Variants in GRAP2 observed in about 807,000 individuals in gnomAD.
GRAP2 encodes GRB2 related adaptor protein 2.
In GRAP2, 31 loss-of-function variants were observed where a neutral mutation model predicts 43.5. The observed-to-expected ratio is 0.71, with a 90% CI of 0.54 to 0.96. The LOEUF (loss-of-function observed/expected upper bound fraction) is 0.96, where lower values mean the gene tolerates loss of function less well. GRAP2 is among the 40% of genes least tolerant of loss of function. The pLI is 0.00. For missense variants in GRAP2, 371 were observed against 424.4 expected (o/e 0.87, Z 1.11); for synonymous variants, 156 against 164.8 (o/e 0.95, Z 0.41).
At chr22:39,962,753 G>C (rs955377026) in intron 4 of GRAP2, among the ~76,000 whole-genome samples, 1 of 152,050 alleles carries the variant, frequency 6.6e-6, no homozygotes, top group Non-Finnish European at 1.5e-5. Flanking sequence ...CGCCTCCCAG[G>C]TTCAAAGCAA....
chr22:39,952,562 C>T (rs560718224), intron 2 of GRAP2, among the ~76,000 whole-genome samples: 4 of 152,228 alleles, frequency 2.6e-5, no homozygotes, highest in Non-Finnish European at 5.9e-5. Context: ...TTTCTGCTTC[C>T]TCCCTTGCCC....
chr22:39,901,493 A>T (rs1264536322), intron 1 of GRAP2, among the ~76,000 whole-genome samples, 163 bp downstream of exon 1: 2 of 152,206 alleles, frequency 1.3e-5, no homozygotes, highest in African/African-American at 4.8e-5. Flanking sequence ...TGCTGTGACA[A>T]TGTTTGTGGT....
At chr22:39,933,716 C>T (rs939344758) in intron 1 of GRAP2, among the ~76,000 whole-genome samples, 4 of 151,970 alleles carry the variant, frequency 2.6e-5, no homozygotes, top group African/African-American at 4.8e-5. Flanking sequence ...TGGCGGGCAC[C>T]TGTAATCCCA....
chr22:39,968,224 G>C lies in GRAP2; in HGVS notation c.642G>C (p.Leu214=). Residue 214 remains leucine, a synonymous_variant, in exon 6 of 8, where the codon CTG becomes CTC. Transcript: ENST00000344138. Reference sequence around the variant, plus strand: ...AATATGCCCCAGCGCCCCAGCAGCTGCAGCAGCCCCCACAGCAGCGATATC... The same window carrying C: ...AATATGCCCCAGCGCCCCAGCAGCTCCAGCAGCCCCCACAGCAGCGATATC... ...PPQYAPAPQQ[L]QQPPQQRYLQ... The C allele has an allele frequency of 6.2e-7, 1 of 1,608,430 alleles. No individual in the cohort carries two copies. Among genetic ancestry groups the C allele is most frequent in the South Asian group, 1.1e-5 (1 of 90,934 alleles).
chr22:39,909,222 C>T (rs1195310036), intron 1 of GRAP2, among the ~76,000 whole-genome samples: 1 of 152,144 alleles, frequency 6.6e-6, no homozygotes, highest in Admixed American at 6.5e-5. Context: ...TATGAGTTGA[C>T]ACTTGGTACC....
At chr22:39,914,915 A>G (rs1214450039) in intron 1 of GRAP2, among the ~76,000 whole-genome samples, 2 of 152,098 alleles carry the variant, frequency 1.3e-5, no homozygotes, top group Non-Finnish European at 2.9e-5. Flanking sequence ...TAGGCCAGGC[A>G]CGGTGGCTCA....
At chr22:39,939,561 CAAAAAAAAAAAA>C (rs386395434) in intron 1 of GRAP2, among the ~76,000 whole-genome samples, 2 of 64,168 alleles carry the variant, frequency 3.1e-5, no homozygotes, top group African/African-American at 6.6e-5. Flanking sequence ...GACTCCGTCT[CAAAAAAAAAAAA>C]AAAAAAAAAG....
At chr22:39,960,281 T>C in intron 4 of GRAP2, 107 bp downstream of exon 4, 1 of 1,131,928 alleles carries the variant, frequency 8.8e-7, no homozygotes, top group Non-Finnish European at 1.3e-6. Context: ...GTCAGAAGCA[T>C]GGTGGCCTAG....
At chr22:39,897,486 A>G (rs1401045747), upstream of GRAP2, among the ~76,000 whole-genome samples, 2 of 147,654 alleles carry the variant, frequency 1.4e-5, no homozygotes, top group Admixed American at 6.7e-5. Flanking sequence ...AGCCACAACC[A>G]TCTCTGGTCT....
intron 1 of GRAP2, among the ~76,000 whole-genome samples, chr22:39,917,041 T>C (rs1267111736): frequency 6.6e-6 from 1 of 152,230 alleles, no homozygotes; most frequent in East Asian, 1.9e-4. Flanking sequence ...TTCCAATTGC[T>C]TCTCTTTGGT....
At chr22:39,897,284 C>CTATA (rs1229791122), upstream of GRAP2, among the ~76,000 whole-genome samples, 9 of 152,226 alleles carry the variant, frequency 5.9e-5, no homozygotes, top group East Asian at 1.7e-3. Context: ...GTGTTTGTCT[C>CTATA]TTATAGCTCT....
At chr22:39,899,474 A>G (rs1169916833), upstream of GRAP2, among the ~76,000 whole-genome samples, 1 of 152,240 alleles carries the variant, frequency 6.6e-6, no homozygotes, top group Non-Finnish European at 1.5e-5. Flanking sequence ...AAAACTTGGC[A>G]ATAGAGCTGT....
chr22:39,901,769 T>G (rs1195188520), intron 1 of GRAP2, among the ~76,000 whole-genome samples: 1 of 152,240 alleles, frequency 6.6e-6, no homozygotes, highest in African/African-American at 2.4e-5. Flanking sequence ...GAATTTCTAG[T>G]TCTGTTCGCA....
intron 1 of GRAP2, among the ~76,000 whole-genome samples, chr22:39,932,303 T>G (rs2066763354): frequency 6.6e-6 from 1 of 152,170 alleles, no homozygotes; most frequent in African/African-American, 2.4e-5. Flanking sequence ...TAGCTGGGCA[T>G]TCTGTATTTT....
rs2067217519 is a variant in GRAP2, at chr22:39,969,634, C to A, written c.813+101C>A. ...AGAGACTCAAACCACACAGATCTGG[C>A]TGGGCACGGTGGCTCACACCTGTAA... is the stretch of plus-strand genomic sequence containing the variant. On this transcript the variant is annotated intron_variant, in intron 7 of 7. Transcript: ENST00000344138. 3.8e-6 allele frequency: 5 copies of A among 1,317,208 alleles called. No homozygotes were observed. In the South Asian group the frequency reaches 6.4e-5, roughly 17 times the overall value. The allele number at this position is 1,317,208 out of a possible 1,614,324, so 81.6% of individuals were successfully genotyped here.
In GRAP2 at chr22:39,908,756, A is replaced by G. The variant is rs556012010; in HGVS notation, c.-15+7426A>G. On this transcript the variant is annotated intron_variant, in intron 1 of 7. Transcript: ENST00000344138. ...TTGTGATTAACAGGTGTTGATAGGA[A>G]ATTGGGCCCCTGTGTCTCAGTCTTT... 2.0e-5 allele frequency among the ~76,000 whole-genome samples: 3 copies of G among 152,226 alleles called. No homozygotes were observed. The South Asian group carries it at 6.2e-4, about 32-fold the overall frequency.
intron 1 of GRAP2, among the ~76,000 whole-genome samples, chr22:39,926,371 G>A (rs574902595): frequency 4.0e-5 from 6 of 151,390 alleles, no homozygotes; most frequent in South Asian, 2.1e-4. Flanking sequence ...GAGAGTGTGC[G>A]TATCTACAAA....
rs1422006696 is a variant in GRAP2, at chr22:39,915,802, G to T, written c.-15+14472G>T. ...ATATGACTTTAGGGTTTAAAAAGCA[G>T]CTGGATGATATGTAAAAATTCAAGG... is the stretch of plus-strand genomic sequence containing the variant. On this transcript the variant is annotated intron_variant, in intron 1 of 7. Coordinates refer to ENST00000344138, the MANE Select transcript of GRAP2 (RefSeq NM_004810.4). 3.3e-5 allele frequency among the ~76,000 whole-genome samples: 5 copies of T among 152,276 alleles called. No homozygotes were observed. The East Asian group carries it at 9.6e-4, about 29-fold the overall frequency.
At chr22:39,895,765 G>C in the GRAP2 span, among the ~76,000 whole-genome samples, 4 of 152,156 alleles carry the variant, frequency 2.6e-5, no homozygotes, top group African/African-American at 9.7e-5. Context: ...TACTCTAATA[G>C]AGGAAACAGG....
Sources: allele counts gnomAD v4.1 joint callset (sites outside exome capture counted in the v4.1 genomes callset), GRCh38; gene constraint gnomAD v4.1.1; transcripts MANE v1.5; gene names NCBI Gene and HGNC (gene_info 2026-07-23, HGNC 2026-07-21).